The following LINGO2 variants were observed in gnomAD, a reference collection of about 807,000 sequenced individuals.
LINGO2 encodes leucine rich repeat and Ig domain containing 2, also known as leucine-rich repeat and immunoglobulin-like domain-containing nogo receptor-interacting protein 2.
LINGO2 carries 14 observed loss-of-function variants against 30.6 expected under a neutral mutation model. The ratio of observed to expected loss-of-function variants is 0.46; its 90% CI spans 0.30 to 0.72. The LOEUF (loss-of-function observed/expected upper bound fraction) is 0.72. LINGO2 is among the 30% of genes least tolerant of loss of function. LINGO2 has a pLI of 0.07. For missense variants in LINGO2, 729 were observed against 751.7 expected (o/e 0.97, Z 0.35); for synonymous variants, 317 against 288.5 (o/e 1.10, Z -1.00).
At chr9:28,039,497 AGT>A (rs1257519613) in intron 4 of LINGO2, among the ~76,000 whole-genome samples, 4 of 152,122 alleles carry the variant, frequency 2.6e-5, no homozygotes, top group Admixed American at 6.5e-5. Context: ...TTGAAGGATG[AGT>A]GTAACAGGTG....
At chr9:28,365,643 G>A (rs1820635772) in intron 3 of LINGO2, among the ~76,000 whole-genome samples, 1 of 152,134 alleles carries the variant, frequency 6.6e-6, no homozygotes, top group Non-Finnish European at 1.5e-5. Context: ...GGGCCACAGG[G>A]AGTGAAGAGT....
chr9:28,543,660 A>G (rs1821804937), intron 1 of LINGO2, among the ~76,000 whole-genome samples: 1 of 152,122 alleles, frequency 6.6e-6, no homozygotes, highest in Non-Finnish European at 1.5e-5. Flanking sequence ...GTGGGTCTAC[A>G]TGCTTTTTAA....
chr9:28,061,509 T>C (rs765421887), intron 4 of LINGO2, among the ~76,000 whole-genome samples: 11 of 152,016 alleles, frequency 7.2e-5, no homozygotes, highest in Non-Finnish European at 1.5e-4. Flanking sequence ...TTCTTTTTTT[T>C]TGTTTTAAGC....
chr9:29,093,887 A>G, the LINGO2 span, among the ~76,000 whole-genome samples: 2 of 138,906 alleles, frequency 1.4e-5, 1 homozygote, highest in African/African-American at 5.4e-5. Context: ...GAACAATTTC[A>G]GTATGTTAAA....
rs139771476 is a variant in LINGO2 at position 28,618,497 on chromosome 9, T to C, written c.-365+51703A>G. Among the ~76,000 whole-genome samples, 315 of 152,278 alleles carry C rather than the reference T, an allele frequency of 2.1e-3. 3 individuals carry two copies. The highest frequency in any genetic ancestry group is 7.3e-3 in the African/African-American group (302 of 41,570). On this transcript the variant is annotated intron_variant, in intron 1 of 5. Coordinates refer to ENST00000379992, the Ensembl canonical transcript of LINGO2. Reference sequence around the variant, plus strand: ...AAACAGCATCCAGAGTGTTATTTTTTAATATAAATTGTCATTTACTCCCCT... The same window carrying C: ...AAACAGCATCCAGAGTGTTATTTTTCAATATAAATTGTCATTTACTCCCCT...
At position 28,057,630 on chromosome 9, in the gene LINGO2, C is replaced by T. The variant is rs558428663; in HGVS notation, c.-86-45225G>A. ...ATATATGTATATACATATATATACA[C>T]ACATATATAAACCTGTTCAAGTAAA... is the stretch of plus-strand genomic sequence containing the variant. On this transcript the variant is annotated intron_variant, in intron 4 of 5. Transcript: ENST00000379992. Among the ~76,000 whole-genome samples the T allele has an allele frequency of 6.1e-5, 8 of 130,354 alleles. No homozygotes were observed. In the East Asian group the frequency reaches 1.7e-3, roughly 28 times the overall value. 85.5% of individuals were successfully genotyped at this position (130,354 alleles called of 152,430 possible).
chr9:28,327,040 G>GT (rs1481318556), intron 3 of LINGO2, among the ~76,000 whole-genome samples: 1 of 152,108 alleles, frequency 6.6e-6, no homozygotes, highest in Non-Finnish European at 1.5e-5. Flanking sequence ...CATTTGGGAA[G>GT]TGATTAGGTC....
At chr9:29,039,093 C>G in the LINGO2 span, among the ~76,000 whole-genome samples, 1 of 152,074 alleles carries the variant, frequency 6.6e-6, no homozygotes, top group Non-Finnish European at 1.5e-5. Flanking sequence ...GTACAACCAG[C>G]GGCAAATTCA....
chr9:28,654,404 G>A (rs2135985142), intron 1 of LINGO2, among the ~76,000 whole-genome samples: 1 of 151,938 alleles, frequency 6.6e-6, no homozygotes, highest in East Asian at 1.9e-4. Context: ...TTTTGTCCCT[G>A]GTGGGAAAAA....
At chr9:28,583,636 C>T (rs1372704079) in intron 1 of LINGO2, among the ~76,000 whole-genome samples, 3 of 151,880 alleles carry the variant, frequency 2.0e-5, no homozygotes, top group East Asian at 1.9e-4. Context: ...GGACATACTA[C>T]AAATAAACAT....
At chr9:28,917,153 G>C in the LINGO2 span, among the ~76,000 whole-genome samples, 1 of 152,110 alleles carries the variant, frequency 6.6e-6, no homozygotes, top group Non-Finnish European at 1.5e-5. Context: ...ATCAGACCCT[G>C]AAAATTGGAA....
chr9:28,495,167 T>C (rs1350213200), intron 1 of LINGO2, among the ~76,000 whole-genome samples: 3 of 131,840 alleles, frequency 2.3e-5, no homozygotes, highest in Non-Finnish European at 4.8e-5. Context: ...TTCTGTAGGT[T>C]GCCTGTTCAC....
chr9:28,432,471 T>C (rs1033592364), intron 2 of LINGO2, among the ~76,000 whole-genome samples: 3 of 151,890 alleles, frequency 2.0e-5, no homozygotes, highest in African/African-American at 4.8e-5. Flanking sequence ...GAACTGATGA[T>C]GGAAAAAATC....
At chr9:28,521,573 T>A (rs1820831178) in intron 1 of LINGO2, among the ~76,000 whole-genome samples, 1 of 152,148 alleles carries the variant, frequency 6.6e-6, no homozygotes, top group Non-Finnish European at 1.5e-5. Flanking sequence ...ACTAACAAAG[T>A]TGGGGGAAAA....
intron 4 of LINGO2, among the ~76,000 whole-genome samples, chr9:28,223,028 A>C (rs1025533625): frequency 7.2e-5 from 11 of 152,176 alleles, no homozygotes; most frequent in Non-Finnish European, 1.5e-4. Context: ...GAATCACCTG[A>C]AAAGGAGAAT....
chr9:28,087,423 C>T (rs1825946532), intron 4 of LINGO2, among the ~76,000 whole-genome samples: 1 of 151,940 alleles, frequency 6.6e-6, no homozygotes, highest in Non-Finnish European at 1.5e-5. Flanking sequence ...TTAACATTTC[C>T]CTTAAGGGTA....
chr9:28,105,778 G>C (rs969116280), intron 4 of LINGO2, among the ~76,000 whole-genome samples: 2 of 152,118 alleles, frequency 1.3e-5, no homozygotes, highest in Non-Finnish European at 2.9e-5. Flanking sequence ...AAGGCCACGT[G>C]AGGACACAGA....
chr9:29,210,704 T>G, the LINGO2 span, among the ~76,000 whole-genome samples: 1 of 152,180 alleles, frequency 6.6e-6, no homozygotes, highest in Non-Finnish European at 1.5e-5. Flanking sequence ...TAAAATTATA[T>G]AAAAATATTA....
the LINGO2 span, among the ~76,000 whole-genome samples, chr9:29,046,568 T>C: frequency 8.5e-5 from 13 of 152,050 alleles, no homozygotes. Context: ...TAAACCCCTT[T>C]CTTACACCAA....
Sources: allele counts gnomAD v4.1 joint callset (sites outside exome capture counted in the v4.1 genomes callset), GRCh38; gene constraint gnomAD v4.1.1; transcripts MANE v1.5; gene names NCBI Gene and HGNC (gene_info 2026-07-23, HGNC 2026-07-21).